VEPH1: variants seen among roughly 807,000 people sequenced by gnomAD.
VEPH1 encodes the protein ventricular zone expressed PH domain containing 1, also known as ventricular zone-expressed PH domain-containing protein homolog 1.
VEPH1 carries 80 observed loss-of-function variants against 85.2 expected under a neutral mutation model. That is an observed-to-expected ratio of 0.94 (90% CI 0.78 to 1.13). The LOEUF is 1.13. VEPH1 is among the 50% of genes most tolerant of loss of function. The probability of loss-of-function intolerance (pLI) is 0.00; values close to 1 mark genes in which losing one functional copy is unlikely to be tolerated. For synonymous variants in VEPH1, 297 were observed against 348.0 expected, an observed-to-expected ratio of 0.85 and a Z score of 1.63; for missense variants, 955 against 980.5, an observed-to-expected ratio of 0.97 and a Z score of 0.35.
At chr3:157,327,917 C>T (rs529299098) in intron 9 of VEPH1, among the ~76,000 whole-genome samples, 2 of 152,326 alleles carry the variant, frequency 1.3e-5, no homozygotes, top group African/African-American at 4.8e-5. Flanking sequence ...TCAGAAGCCA[C>T]TCTAAAGCCA....
chr3:157,292,532 A>G (rs932152477), intron 11 of VEPH1, among the ~76,000 whole-genome samples: 7 of 151,990 alleles, frequency 4.6e-5, no homozygotes, highest in African/African-American at 1.5e-4. Context: ...TTTCTACTAA[A>G]AATACAAAAA....
chr3:157,491,224 A>C lies in VEPH1; in HGVS notation c.138+3988T>G, dbSNP rs189113457. ...TGTACCTAACATGTTAAAGTGGGTG[A>C]TTCTGTGTGCCTGGTGTGTTTCATT... On this transcript the variant is annotated intron_variant, in intron 2 of 13. Coordinates refer to ENST00000362010, the MANE Select transcript of VEPH1 (RefSeq NM_001167912.2). Among the ~76,000 whole-genome samples, 187 of 152,252 alleles carry C rather than the reference A, an allele frequency of 1.2e-3. 1 individual carries two copies. Among genetic ancestry groups the C allele is most frequent in the African/African-American group, 4.2e-3 (174 of 41,560 alleles).
At chr3:157,408,190 G>A (rs1459894282) in intron 6 of VEPH1, among the ~76,000 whole-genome samples, 2 of 152,050 alleles carry the variant, frequency 1.3e-5, no homozygotes, top group Non-Finnish European at 2.9e-5. Flanking sequence ...AATCTACTCA[G>A]TATCATCTTT....
chr3:157,396,078 T>C (rs1730352685), intron 6 of VEPH1, among the ~76,000 whole-genome samples: 1 of 152,176 alleles, frequency 6.6e-6, no homozygotes, highest in Non-Finnish European at 1.5e-5. Context: ...TTTCTGATGC[T>C]CTCTCTTGCC....
At chr3:157,498,309 C>T (rs1324734518) in intron 1 of VEPH1, among the ~76,000 whole-genome samples, 1 of 152,168 alleles carries the variant, frequency 6.6e-6, no homozygotes, top group Non-Finnish European at 1.5e-5. Flanking sequence ...GGGGCTAATA[C>T]ACACCTCGTC....
At chr3:157,275,850 AT>A (rs5853778) in intron 12 of VEPH1, among the ~76,000 whole-genome samples, 8,289 of 151,398 alleles carry the variant, frequency 0.055, 658 homozygotes, top group African/African-American at 0.18. Context: ...GGTTTTACTG[AT>A]TTTTTTTTCT....
chr3:157,476,508 A>C (rs902742742), intron 2 of VEPH1, among the ~76,000 whole-genome samples: 25 of 146,060 alleles, frequency 1.7e-4, no homozygotes, highest in African/African-American at 6.0e-4. Context: ...TGGTTCTATC[A>C]CATACCATAA....
At chr3:157,283,317 C>G (rs904070491) in intron 12 of VEPH1, among the ~76,000 whole-genome samples, 5 of 152,064 alleles carry the variant, frequency 3.3e-5, no homozygotes, top group African/African-American at 1.2e-4. Flanking sequence ...TACTTAATCT[C>G]TTTGTGTTTC....
intron 2 of VEPH1, among the ~76,000 whole-genome samples, chr3:157,486,279 C>T (rs900832396): frequency 3.3e-5 from 5 of 151,800 alleles, no homozygotes; most frequent in South Asian, 2.1e-4. Flanking sequence ...GGGTGGATCA[C>T]GAGGTCAGGA....
chr3:157,371,009 T>C (rs1377873165), intron 7 of VEPH1, among the ~76,000 whole-genome samples: 1 of 152,230 alleles, frequency 6.6e-6, no homozygotes, highest in African/African-American at 2.4e-5. Flanking sequence ...GTTGCTCACA[T>C]AGAATGGGCA....
At chr3:157,439,029 A>T (rs529480785) in intron 4 of VEPH1, among the ~76,000 whole-genome samples, 1 of 152,372 alleles carries the variant, frequency 6.6e-6, no homozygotes, top group East Asian at 1.9e-4. Flanking sequence ...TTAAAGTTAC[A>T]GAAACCATAT....
intron 6 of VEPH1, among the ~76,000 whole-genome samples, chr3:157,382,250 T>C (rs1183392152): frequency 6.6e-6 from 1 of 152,194 alleles, no homozygotes; most frequent in Non-Finnish European, 1.5e-5. Flanking sequence ...ACTTTCACAG[T>C]CATTTAAGTT....
intron 2 of VEPH1, among the ~76,000 whole-genome samples, chr3:157,483,073 C>T (rs1738273346): frequency 6.6e-6 from 1 of 151,444 alleles, no homozygotes; most frequent in Non-Finnish European, 1.5e-5. Context: ...CATTGGCATC[C>T]ATACTAATAA....
At chr3:157,275,654 G>T (rs1715298919) in intron 12 of VEPH1, among the ~76,000 whole-genome samples, 1 of 152,022 alleles carries the variant, frequency 6.6e-6, no homozygotes, top group Admixed American at 6.6e-5. Flanking sequence ...TGTAGATATT[G>T]ATTAGATATT....
rs770415901 is a variant in VEPH1, at chr3:157,381,338, T to A, written c.945A>T (p.Gln315His). Residue 315 changes from glutamine (Q) to histidine (H), a missense_variant, in exon 7 of 14, where the codon CAA (glutamine) becomes CAT (histidine). By Grantham distance (24) the Gln-to-His change is conservative (BLOSUM62 0). Transcript: ENST00000362010. ...ARSCLTYLVSQLANMEHSFHH... is the reference protein window; with the variant it reads ...ARSCLTYLVSHLANMEHSFHH... ...GAAACGAATGCTCCATGTTGGCCAGTTGGCTCACCAGGTATGTCAGGCAGC... is the reference window on the plus strand; with the variant it reads ...GAAACGAATGCTCCATGTTGGCCAGATGGCTCACCAGGTATGTCAGGCAGC... The A allele has an allele frequency of 4.3e-6, 7 of 1,614,084 alleles. No individual in the cohort carries two copies. Among genetic ancestry groups the A allele is most frequent in the Non-Finnish European group, 5.9e-6 (7 of 1,180,038 alleles).
intron 10 of VEPH1, among the ~76,000 whole-genome samples, chr3:157,314,236 G>A (rs1183931579): frequency 2.0e-5 from 3 of 148,950 alleles, no homozygotes; most frequent in Non-Finnish European, 3.0e-5. Flanking sequence ...GGGAGGCTGA[G>A]GCAGGAGAAT....
rs1170711720 is a variant in VEPH1 at position 157,369,192 on chromosome 3, A to AACAAAAAAAAAAAAAAAAAC, written c.1128-4681_1128-4680insGTTTTTTTTTTTTTTTTTGT. Among the ~76,000 whole-genome samples, 4 of 142,782 alleles carry AACAAAAAAAAAAAAAAAAAC rather than the reference A, an allele frequency of 2.8e-5. No individual in the cohort carries two copies. The East Asian group carries it at 6.3e-4, about 22-fold the overall frequency. The allele number at this position is 142,782 out of a possible 152,430, so 93.7% of individuals were successfully genotyped here. A position where few individuals can be genotyped will look rare whatever the true frequency, so the allele number is the denominator to read the frequency against. ...ACAAAAACCAAATGAAAAAAAAAAA[A>AACAAAAAAAAAAAAAAAAAC]AAAAAAAAAAAACCTCCTGAGGTCT... On this transcript the variant is annotated intron_variant, in intron 7 of 13. Coordinates refer to ENST00000362010, the MANE Select transcript of VEPH1 (RefSeq NM_001167912.2).
chr3:157,294,326 G>C (rs993667894), intron 11 of VEPH1, among the ~76,000 whole-genome samples: 1 of 152,038 alleles, frequency 6.6e-6, no homozygotes, highest in Admixed American at 6.6e-5. Context: ...TTCACCTTTT[G>C]GGTTTGACAC....
intron 2 of VEPH1, among the ~76,000 whole-genome samples, chr3:157,480,034 CT>C (rs11380437): frequency 5.4e-5 from 8 of 146,960 alleles, no homozygotes; most frequent in Admixed American, 2.1e-4. Context: ...TTCTTTCATT[CT>C]TTTTTTCTTT....
Sources: allele counts gnomAD v4.1 joint callset (sites outside exome capture counted in the v4.1 genomes callset), GRCh38; gene constraint gnomAD v4.1.1; transcripts MANE v1.5; gene names NCBI Gene and HGNC (gene_info 2026-07-23, HGNC 2026-07-21).